TMTC1: variants seen among roughly 807,000 people sequenced by gnomAD.
TMTC1 encodes transmembrane O-mannosyltransferase targeting cadherins 1.
TMTC1 carries 73 observed loss-of-function variants against 104.8 expected under a neutral mutation model. The observed-to-expected ratio is 0.70, with a 90% CI of 0.58 to 0.85. The LOEUF is 0.85. TMTC1 is among the 40% of genes least tolerant of loss of function. TMTC1 has a pLI of 0.00. For synonymous variants in TMTC1, 434 were observed against 428.7 expected (o/e 1.01, Z -0.15); for missense variants, 1,035 against 1,096.1 (o/e 0.94, Z 0.79).
chr12:29,646,469 T>C (rs1175064587), intron 5 of TMTC1, among the ~76,000 whole-genome samples: 1 of 152,160 alleles, frequency 6.6e-6, no homozygotes, highest in African/African-American at 2.4e-5. Flanking sequence ...AAATACAATA[T>C]GTAGATTTAA....
At position 29,773,468 on chromosome 12, in the gene TMTC1, G is replaced by C. The variant is rs537128049; in HGVS notation, c.303-5393C>G. Among the ~76,000 whole-genome samples the C allele has an allele frequency of 4.6e-5, 7 of 152,196 alleles. No homozygotes were observed. The South Asian group carries it at 1.5e-3, about 32-fold the overall frequency. On this transcript the variant is annotated intron_variant, in intron 1 of 17. Coordinates refer to ENST00000539277, the MANE Select transcript of TMTC1 (RefSeq NM_001193451.2). ...TAACAGTCTGTATTTGTGAAACAGA[G>C]ACACACAGCAGAGAAGGACTAGAGT...
At position 29,644,137 on chromosome 12, in the gene TMTC1, GTGTGTGTGTGTGTA is replaced by G. The variant is rs1337544580; in HGVS notation, c.939-10815_939-10802del. 9.8e-5 allele frequency among the ~76,000 whole-genome samples: 10 copies of G among 102,114 alleles called. No homozygotes were observed. The East Asian group carries it at 1.4e-3, about 14-fold the overall frequency. 67.0% of individuals were successfully genotyped at this position (102,114 alleles called of 152,430 possible). A position where few individuals can be genotyped will look rare whatever the true frequency, so the allele number is the denominator to read the frequency against. ...TGTGTGTGTGTGTGTGTGTGTGTGT[GTGTGTGTGTGTGTA>G]TATATATATATAATGAAATACTAAA... is the stretch of plus-strand genomic sequence containing the variant. On this transcript the variant is annotated intron_variant, in intron 5 of 17. Transcript: ENST00000539277.
At chr12:29,693,688 A>C (rs1941330886) in intron 5 of TMTC1, among the ~76,000 whole-genome samples, 1 of 152,228 alleles carries the variant, frequency 6.6e-6, no homozygotes, top group South Asian at 2.1e-4. Flanking sequence ...AAGGCTTAAA[A>C]ATAAAGCACT....
At chr12:29,656,240 CAA>C (rs1387036163) in intron 5 of TMTC1, among the ~76,000 whole-genome samples, 1 of 149,874 alleles carries the variant, frequency 6.7e-6, no homozygotes, top group Non-Finnish European at 1.5e-5. Context: ...TCTAGGTGCT[CAA>C]AAGAGTCAAT....
chr12:29,622,326 G>A (rs1456832170), intron 6 of TMTC1, among the ~76,000 whole-genome samples: 1 of 152,092 alleles, frequency 6.6e-6, no homozygotes, highest in Non-Finnish European at 1.5e-5. Flanking sequence ...TAATTTAATG[G>A]TGTTTCCTCT....
At chr12:29,564,980 G>A (rs1264244604) in intron 9 of TMTC1, among the ~76,000 whole-genome samples, 1 of 152,180 alleles carries the variant, frequency 6.6e-6, no homozygotes, top group Non-Finnish European at 1.5e-5. Flanking sequence ...GAGCAGGGTA[G>A]TAAAAGAGGA....
chr12:29,730,047 G>T (rs939440733), intron 5 of TMTC1, among the ~76,000 whole-genome samples: 1 of 152,160 alleles, frequency 6.6e-6, no homozygotes, highest in Admixed American at 6.5e-5. Flanking sequence ...AACAAGGGAT[G>T]GGGGGAAGTA....
intron 5 of TMTC1, among the ~76,000 whole-genome samples, chr12:29,657,467 A>C (rs1326810756): frequency 6.6e-6 from 1 of 152,210 alleles, no homozygotes; most frequent in Non-Finnish European, 1.5e-5. Flanking sequence ...AGAATTTTTA[A>C]AACATAAGAT....
chr12:29,617,849 G>C (rs767371329), intron 6 of TMTC1, among the ~76,000 whole-genome samples: 1 of 152,144 alleles, frequency 6.6e-6, no homozygotes, highest in African/African-American at 2.4e-5. Flanking sequence ...GAACCTGTCA[G>C]GCCATTATAA....
intron 11 of TMTC1, chr12:29,533,727 G>GT: frequency 6.6e-6 from 1 of 152,080 alleles, no homozygotes; most frequent in East Asian, 1.9e-4. Flanking sequence ...CTATTATCAA[G>GT]TTTGCCAACT....
At chr12:29,710,250 C>G (rs1425395426) in intron 5 of TMTC1, among the ~76,000 whole-genome samples, 1 of 152,106 alleles carries the variant, frequency 6.6e-6, no homozygotes, top group Non-Finnish European at 1.5e-5. Context: ...CCGGGGTCTG[C>G]AGGAAATCTC....
intron 4 of TMTC1, among the ~76,000 whole-genome samples, chr12:29,754,513 G>A (rs1943169696): frequency 6.6e-6 from 1 of 152,122 alleles, no homozygotes; most frequent in Non-Finnish European, 1.5e-5. Flanking sequence ...ACATTAGGAG[G>A]TTGAGACAAG....
intron 9 of TMTC1, among the ~76,000 whole-genome samples, chr12:29,566,821 G>A (rs1359869219): frequency 1.3e-5 from 2 of 152,032 alleles, no homozygotes; most frequent in East Asian, 3.8e-4. Flanking sequence ...ATTTTTAACA[G>A]AAAATCTCAA....
rs1944639564 is a variant in TMTC1, at chr12:29,536,232, A to G, written c.1762T>C (p.Leu588=). 1.2e-6 allele frequency: 2 copies of G among 1,612,258 alleles called. No individual in the cohort carries two copies. The highest frequency in any genetic ancestry group is 1.7e-6 in the Non-Finnish European group (2 of 1,178,724). Residue 588 remains leucine (L), a synonymous_variant, in exon 11 of 18, where the codon TTA becomes CTA. Transcript: ENST00000539277. ...GPEFADAYSS[L]ASLLAEQERF... The stretch of plus-strand genomic sequence containing the variant: ...ACCTGCTCAGCCAATAACGAAGCTA[A>G]GCTTGAATATGCATCTGCAAACTCT...
chr12:29,560,796 G>A (rs1408646023), intron 9 of TMTC1, among the ~76,000 whole-genome samples: 1 of 151,928 alleles, frequency 6.6e-6, no homozygotes, highest in African/African-American at 2.4e-5. Context: ...GGCAGTCAAG[G>A]GCATCATTCC....
At chr12:29,636,930 C>G (rs1938581027) in intron 5 of TMTC1, among the ~76,000 whole-genome samples, 1 of 151,612 alleles carries the variant, frequency 6.6e-6, no homozygotes, top group African/African-American at 2.4e-5. Context: ...GTGGCACACA[C>G]CTGTAGTCCC....
At chr12:29,621,234 T>C (rs971759174) in intron 6 of TMTC1, among the ~76,000 whole-genome samples, 2 of 152,234 alleles carry the variant, frequency 1.3e-5, no homozygotes, top group African/African-American at 2.4e-5. Context: ...ATTCAGTATA[T>C]TAAAACATGA....
At chr12:29,537,734 T>C (rs116951704) in intron 10 of TMTC1, among the ~76,000 whole-genome samples, 3,033 of 152,266 alleles carry the variant, frequency 0.02, 52 homozygotes, top group South Asian at 0.031. Context: ...CCGTAGCTCC[T>C]GATACAATCC....
intron 5 of TMTC1, among the ~76,000 whole-genome samples, chr12:29,725,577 C>T (rs1358540727): frequency 6.6e-6 from 1 of 152,130 alleles, no homozygotes; most frequent in Non-Finnish European, 1.5e-5. Flanking sequence ...TGAAAGACTA[C>T]TAGTGAATAA....
Sources: allele counts gnomAD v4.1 joint callset (sites outside exome capture counted in the v4.1 genomes callset), GRCh38; gene constraint gnomAD v4.1.1; transcripts MANE v1.5; gene names NCBI Gene and HGNC (gene_info 2026-07-23, HGNC 2026-07-21).